The following PLPPR5 variants were observed in gnomAD, a reference collection of about 807,000 sequenced individuals.
PLPPR5 encodes phospholipid phosphatase-related protein type 5.
In PLPPR5, 16 loss-of-function variants were observed where a neutral mutation model predicts 33.9. The observed-to-expected ratio is 0.47, with a 90% confidence interval of 0.32 to 0.72. The LOEUF (loss-of-function observed/expected upper bound fraction) is 0.72. Ranked by LOEUF, PLPPR5 falls within the 30% of genes least tolerant of loss-of-function variation. The pLI is 0.03. For synonymous variants in PLPPR5, 163 were observed against 150.3 expected (o/e 1.08, Z -0.62); for missense variants, 301 against 406.7 (o/e 0.74, Z 2.23).
At chr1:98,893,388 G>A (rs185626627) in intron 5 of PLPPR5, among the ~76,000 whole-genome samples, 80 of 152,074 alleles carry the variant, frequency 5.3e-4, no homozygotes, top group African/African-American at 1.4e-3. Flanking sequence ...TGCCAGACAC[G>A]TTAATATTCT....
At chr1:98,959,530 A>G (rs1651149705) in intron 1 of PLPPR5, among the ~76,000 whole-genome samples, 1 of 152,176 alleles carries the variant, frequency 6.6e-6, no homozygotes, top group Admixed American at 6.5e-5. Flanking sequence ...GTCCTCAGGA[A>G]TCCAGGCAAC....
intron 1 of PLPPR5, among the ~76,000 whole-genome samples, chr1:98,999,327 T>C (rs142831028): frequency 4.6e-5 from 7 of 152,286 alleles, no homozygotes; most frequent in East Asian, 3.9e-4. Context: ...AGTACTTATA[T>C]TTACCTCAAT....
intron 5 of PLPPR5, among the ~76,000 whole-genome samples, chr1:98,902,648 A>G (rs939220114): frequency 6.6e-6 from 1 of 152,144 alleles, no homozygotes; most frequent in Non-Finnish European, 1.5e-5. Context: ...TAGTGTCTCC[A>G]GGATGGTCTC....
At chr1:98,925,762 A>G (rs1339586544) in intron 3 of PLPPR5, among the ~76,000 whole-genome samples, 1 of 152,242 alleles carries the variant, frequency 6.6e-6, no homozygotes, top group Non-Finnish European at 1.5e-5. Flanking sequence ...TTCTTCAAAG[A>G]GGAGGCATCT....
intron 1 of PLPPR5, 187 bp downstream of exon 1, chr1:99,004,248 G>C: frequency 1.7e-6 from 1 of 583,778 alleles, no homozygotes; most frequent in African/African-American, 1.9e-5. Context: ...TGTGGGAAGA[G>C]CTGGGGGCTT....
intron 1 of PLPPR5, among the ~76,000 whole-genome samples, chr1:98,996,765 T>C (rs58554856): frequency 2.0e-3 from 302 of 152,268 alleles, no homozygotes; most frequent in African/African-American, 6.7e-3. Flanking sequence ...TCTTTAAACA[T>C]AGATTATTTT....
intron 1 of PLPPR5, among the ~76,000 whole-genome samples, chr1:98,979,019 A>G (rs1317290835): frequency 6.6e-6 from 1 of 151,964 alleles, no homozygotes; most frequent in African/African-American, 2.4e-5. Context: ...CCTGAGTTCA[A>G]ATTGATTATT....
At chr1:98,990,194 C>A (rs1323479942) in intron 1 of PLPPR5, among the ~76,000 whole-genome samples, 2 of 152,026 alleles carry the variant, frequency 1.3e-5, no homozygotes, top group Non-Finnish European at 2.9e-5. Flanking sequence ...CATGGTGAAA[C>A]CCCATCTCTA....
chr1:98,917,056 A>G (rs1174145440), intron 4 of PLPPR5, among the ~76,000 whole-genome samples: 1 of 152,078 alleles, frequency 6.6e-6, no homozygotes, highest in Non-Finnish European at 1.5e-5. Flanking sequence ...CAACTACTCA[A>G]AACTAAACTC....
At chr1:98,911,246 G>C (rs558098696) in intron 5 of PLPPR5, among the ~76,000 whole-genome samples, 32 of 152,202 alleles carry the variant, frequency 2.1e-4, no homozygotes, top group Non-Finnish European at 4.4e-4. Flanking sequence ...GCTCAGCAGG[G>C]TGTGGTGCCA....
chr1:98,972,045 A>G (rs1293669799), intron 1 of PLPPR5, among the ~76,000 whole-genome samples: 2 of 152,016 alleles, frequency 1.3e-5, no homozygotes, highest in East Asian at 3.9e-4. Context: ...TGACTTAACT[A>G]TGGAGGATCA....
intron 3 of PLPPR5, among the ~76,000 whole-genome samples, chr1:98,941,273 T>C (rs1350740360): frequency 6.6e-6 from 1 of 151,496 alleles, no homozygotes; most frequent in Admixed American, 6.6e-5. Flanking sequence ...AGAGAAAAGC[T>C]CAAATAGAGG....
chr1:98,906,046 CT>C (rs1481548522), intron 5 of PLPPR5, among the ~76,000 whole-genome samples: 1 of 151,844 alleles, frequency 6.6e-6, no homozygotes, highest in Admixed American at 6.6e-5. Context: ...ACAACTCTTT[CT>C]GTCATTGTGG....
chr1:98,968,804 T>C (rs1651544604), intron 1 of PLPPR5, among the ~76,000 whole-genome samples: 2 of 152,066 alleles, frequency 1.3e-5, no homozygotes, highest in Non-Finnish European at 2.9e-5. Flanking sequence ...ATTCAGCATA[T>C]AGATAAGGAC....
chr1:98,922,330 A>C (rs1649585946), intron 3 of PLPPR5, among the ~76,000 whole-genome samples: 1 of 152,224 alleles, frequency 6.6e-6, no homozygotes, highest in South Asian at 2.1e-4. Context: ...AACACCAAGC[A>C]CAGATAGTCC....
chr1:98,967,139 C>T (rs914593116), intron 1 of PLPPR5, among the ~76,000 whole-genome samples: 5 of 152,052 alleles, frequency 3.3e-5, no homozygotes, highest in African/African-American at 4.8e-5. Flanking sequence ...GTGCAAAGAG[C>T]TATTCTAGGT....
In PLPPR5 at chr1:98,924,632, T is replaced by C. The variant is rs184034179; in HGVS notation, c.622-2574A>G. Reference sequence around the variant, plus strand: ...GCCTTTCCCTCACCCCCGAAGGCCATCTCAGATACAGTCCAGCCCTTACTT... The same window carrying C: ...GCCTTTCCCTCACCCCCGAAGGCCACCTCAGATACAGTCCAGCCCTTACTT... On this transcript the variant is annotated intron_variant, in intron 3 of 5. Coordinates refer to ENST00000263177, the MANE Select transcript of PLPPR5 (RefSeq NM_001037317.2). Among the ~76,000 whole-genome samples the C allele has an allele frequency of 2.8e-3, 431 of 152,298 alleles. 1 individual carries two copies. Among genetic ancestry groups the C allele is most frequent in the African/African-American group, 9.6e-3 (401 of 41,574 alleles).
chr1:98,992,866 C>CA (rs751171608), intron 1 of PLPPR5, among the ~76,000 whole-genome samples: 5 of 152,058 alleles, frequency 3.3e-5, no homozygotes, highest in African/African-American at 9.6e-5. Flanking sequence ...TAGGAAATGG[C>CA]AAAAAATAAC....
chr1:98,919,695 C>T (rs1407004289), intron 4 of PLPPR5, among the ~76,000 whole-genome samples: 2 of 152,178 alleles, frequency 1.3e-5, no homozygotes, highest in East Asian at 3.9e-4. Context: ...CATCCTGTTT[C>T]CCTGGTTCTG....
Sources: gnomAD v4.1 joint callset for allele counts (sites outside exome capture counted in the v4.1 genomes callset) on GRCh38, gnomAD v4.1.1 for gene constraint, MANE v1.5 for transcripts, NCBI Gene and HGNC (gene_info 2026-07-23, HGNC 2026-07-21) for gene names.